PAPOLG: variants seen among roughly 807,000 people sequenced by gnomAD.
The protein encoded by PAPOLG is poly(A) polymerase gamma.
In PAPOLG, 40 loss-of-function variants were observed where a neutral mutation model predicts 99.0. That is an observed-to-expected ratio of 0.40 (90% CI 0.31 to 0.53). The LOEUF is 0.53. PAPOLG is among the 20% of genes least tolerant of loss of function. The pLI is 0.41. For synonymous variants in PAPOLG, 310 were observed against 299.3 expected (o/e 1.04, Z -0.37); for missense variants, 675 against 884.1 (o/e 0.76, Z 3.00).
intron 13 of PAPOLG, among the ~76,000 whole-genome samples, chr2:60,786,340 C>T (rs1425229534): frequency 1.3e-5 from 2 of 151,966 alleles, no homozygotes; most frequent in South Asian, 2.1e-4. Context: ...AAGCAATTCT[C>T]GTGCTTCAGC....
At chr2:60,768,948 A>C (rs549628543) in intron 5 of PAPOLG, 58 bp downstream of exon 5, 52 of 1,287,074 alleles carry the variant, frequency 4.0e-5, no homozygotes, top group Non-Finnish European at 5.0e-5. Flanking sequence ...ATATCTATAA[A>C]AACTAGGGCT....
At chr2:60,780,384 T>C (rs1216946939) in intron 9 of PAPOLG, among the ~76,000 whole-genome samples, 1 of 151,138 alleles carries the variant, frequency 6.6e-6, no homozygotes, top group Non-Finnish European at 1.5e-5. Context: ...CAAGTGATCC[T>C]CTCACCTCAG....
intron 3 of PAPOLG, 46 bp downstream of exon 3, chr2:60,761,853 G>A: frequency 7.3e-7 from 1 of 1,372,798 alleles, no homozygotes; most frequent in Non-Finnish European, 1.0e-6. Flanking sequence ...TTATATCTTG[G>A]CCATTCATCC....
intron 18 of PAPOLG, 68 bp downstream of exon 18, chr2:60,793,783 C>T (rs922689808): frequency 6.8e-5 from 103 of 1,523,590 alleles, no homozygotes; most frequent in East Asian, 9.9e-5. Context: ...TGGTGGCACA[C>T]GCCTGTAGTC....
chr2:60,781,827 G>A (rs1671198363), intron 10 of PAPOLG, 58 bp from the exon 11 acceptor site: 1 of 1,603,356 alleles, frequency 6.2e-7, no homozygotes, highest in East Asian at 2.2e-5. Context: ...TTGGGGAAAT[G>A]AAGTGAGAAC....
intron 13 of PAPOLG, among the ~76,000 whole-genome samples, chr2:60,784,472 C>A (rs1033058615): frequency 1.3e-5 from 2 of 152,202 alleles, no homozygotes. Flanking sequence ...CTACTATATT[C>A]ACATCCTTGG....
At chr2:60,757,096 T>A (rs1670369821) in intron 1 of PAPOLG, among the ~76,000 whole-genome samples, 1 of 152,232 alleles carries the variant, frequency 6.6e-6, no homozygotes, top group Non-Finnish European at 1.5e-5. Flanking sequence ...GATTTTGTTG[T>A]AGCTTCTTCC....
Position 60,797,246 on chromosome 2 carries a change from A to G in PAPOLG, c.*86A>G, listed in dbSNP as rs1375967236. The G allele has an allele frequency of 2.7e-6, 4 of 1,505,578 alleles. No individual in the cohort carries two copies. Among genetic ancestry groups the G allele is most frequent in the Admixed American group, 3.4e-5 (2 of 58,094 alleles). 93.3% of individuals were successfully genotyped at this position (1,505,578 alleles called of 1,614,324 possible). A position where few individuals can be genotyped will look rare whatever the true frequency, so the allele number is the denominator to read the frequency against. ...TGTTTTTTAAATAGAAGTGGCTGTC[A>G]TACGTGAAATAAGGTGAAAGTGACA... On this transcript the variant is annotated 3_prime_UTR_variant, in exon 22 of 22. Transcript: ENST00000238714.
chr2:60,783,101 A>T, intron 12 of PAPOLG, 55 bp from the exon 13 acceptor site: 1 of 1,451,988 alleles, frequency 6.9e-7, no homozygotes, highest in Admixed American at 2.3e-5. Context: ...ATTAAAAAGC[A>T]GGCTGTAACA....
At chr2:60,780,882 T>G in intron 10 of PAPOLG, 103 bp downstream of exon 10, 1 of 959,472 alleles carries the variant, frequency 1.0e-6, no homozygotes, top group South Asian at 1.4e-5. Context: ...CTGTTCTTCC[T>G]TCTATATAAC....
intron 1 of PAPOLG, 101 bp from the exon 2 acceptor site, chr2:60,760,033 T>A (rs1010363475): frequency 1.6e-6 from 2 of 1,229,728 alleles, no homozygotes; most frequent in Non-Finnish European, 2.3e-6. Flanking sequence ...AAGTAAACTT[T>A]TAAGGTAGCT....
At chr2:60,771,405 G>A in intron 6 of PAPOLG, 114 bp from the exon 7 acceptor site, 24 of 1,322,080 alleles carry the variant, frequency 1.8e-5, no homozygotes, top group Non-Finnish European at 2.3e-5. Flanking sequence ...CGAAGCTTTG[G>A]TAGAACTTCC....
chr2:60,771,671 C>A, intron 7 of PAPOLG, 41 bp downstream of exon 7: 1 of 1,572,874 alleles, frequency 6.4e-7, no homozygotes, highest in Non-Finnish European at 8.6e-7. Context: ...TGCTTCAGAA[C>A]AATTAGAGAA....
At position 60,801,558 on chromosome 2, in the gene PAPOLG, C is replaced by G. The variant is rs1190301473; in HGVS notation, c.*4398C>G. The G allele has an allele frequency of 1.3e-5, 2 of 152,118 alleles. No homozygotes were observed. Among genetic ancestry groups the G allele is most frequent in the African/African-American group, 4.8e-5 (2 of 41,400 alleles). 9.4% of individuals were successfully genotyped at this position (152,118 alleles called of 1,614,324 possible). A position where few individuals can be genotyped will look rare whatever the true frequency, so the allele number is the denominator to read the frequency against. ...TCCCAGGTGCAAGCGATTCTCCTAC[C>G]TCAGCCTCCCAAGTAGCTGGGACTA... On this transcript the variant is annotated 3_prime_UTR_variant, in exon 22 of 22. Transcript: ENST00000238714.
rs1390953897 is a variant in PAPOLG at position 60,798,579 on chromosome 2, C to G, written c.*1419C>G. On this transcript the variant is annotated 3_prime_UTR_variant, in exon 22 of 22. Coordinates refer to ENST00000238714, the MANE Select transcript of PAPOLG (RefSeq NM_022894.4). The stretch of plus-strand genomic sequence containing the variant: ...CAGGAATGCTAGTATCTACCACCTT[C>G]TTTAGATTTCACTCAGCATTTAGTA... 1 of 152,378 alleles carries G rather than the reference C, an allele frequency of 6.6e-6. No individual in the cohort carries two copies. Among genetic ancestry groups the G allele is most frequent in the African/African-American group, 2.4e-5 (1 of 41,460 alleles). The allele number at this position is 152,378 out of a possible 1,614,324, so 9.4% of individuals were successfully genotyped here. A position where few individuals can be genotyped will look rare whatever the true frequency, so the allele number is the denominator to read the frequency against.
At position 60,793,973 on chromosome 2, in the gene PAPOLG, G is replaced by A. The variant is rs776256492; in HGVS notation, c.1771G>A (p.Val591Ile). The change falls in exon 19 of 22, where the codon GTT becomes ATT. Residue 591 changes from valine to isoleucine, a missense_variant and splice_region_variant. By Grantham distance (29) the Val-to-Ile change is conservative (BLOSUM62 3). Coordinates refer to ENST00000238714, the MANE Select transcript of PAPOLG (RefSeq NM_022894.4). The part of the protein sequence containing the change: ...GLSIPVIGAK[V>I]DSTVKTVSPP... ...AAAATCCTTTTTTTCCTTTTCAGAA[G>A]TTGACTCTACAGTAAAAACTGTATC... The A allele has an allele frequency of 5.4e-5, 87 of 1,602,322 alleles. No homozygotes were observed. The highest frequency in any genetic ancestry group is 7.2e-5 in the Non-Finnish European group (85 of 1,174,048).
intron 13 of PAPOLG, among the ~76,000 whole-genome samples, chr2:60,784,435 G>C (rs373327515): frequency 5.9e-5 from 9 of 152,164 alleles, no homozygotes; most frequent in East Asian, 1.9e-4. Flanking sequence ...GTTCTTTCTA[G>C]TGCATCTAAA....
At position 60,792,275 on chromosome 2, in the gene PAPOLG, A is replaced by G. The variant is rs375986819; in HGVS notation, c.1665A>G (p.Val555=). 3.7e-6 allele frequency: 6 copies of G among 1,602,154 alleles called. No homozygotes were observed. The highest frequency in any genetic ancestry group is 5.1e-6 in the Non-Finnish European group (6 of 1,176,414). The part of the protein sequence containing the change: ...SPASKSDSPS[V]GETERNSAEP... ...CGTCCAAGTCTGATAGCCCTTCTGT[A>G]GGAGAAACAGAAAGGTCTGTCTTTA... The change falls in exon 17 of 22, where the codon GTA becomes GTG. Residue 555 remains valine, a synonymous_variant. Transcript: ENST00000238714.
chr2:60,772,083 T>G (rs78781425), intron 7 of PAPOLG, among the ~76,000 whole-genome samples: 3 of 152,124 alleles, frequency 2.0e-5, no homozygotes, highest in Non-Finnish European at 2.9e-5. Context: ...TTAGGCCTGA[T>G]AGAAGACAGC....
Sources: allele counts gnomAD v4.1 joint callset (sites outside exome capture counted in the v4.1 genomes callset), GRCh38; gene constraint gnomAD v4.1.1; transcripts MANE v1.5; gene names NCBI Gene and HGNC (gene_info 2026-07-23, HGNC 2026-07-21).